Variants in DLGAP1 observed in about 807,000 individuals in gnomAD.
DLGAP1 encodes the protein DLG associated protein 1.
DLGAP1 carries 11 observed loss-of-function variants against 90.8 expected under a neutral mutation model. The ratio of observed to expected loss-of-function variants is 0.12; its 90% CI spans 0.08 to 0.20. The LOEUF is 0.20. Among genes scored for constraint, DLGAP1 ranks in the 10% least tolerant of loss-of-function variants. The pLI is 1.00. For synonymous variants in DLGAP1, 558 were observed against 540.7 expected, an observed-to-expected ratio of 1.03 and a Z score of -0.44; for missense variants, 1,050 against 1,333.8, an observed-to-expected ratio of 0.79 and a Z score of 3.31.
Position 3,789,473 on chromosome 18 carries a change from A to G in DLGAP1, c.1172+24586T>C, listed in dbSNP as rs1253178335. Among the ~76,000 whole-genome samples, 4 of 152,210 alleles carry G rather than the reference A, an allele frequency of 2.6e-5. No homozygotes were observed. In the East Asian group the frequency reaches 7.7e-4, roughly 29 times the overall value. On this transcript the variant is annotated intron_variant, in intron 5 of 12. Transcript: ENST00000315677. ...GTTAAAGTCAAGCAGATAATAGATG[A>G]ATCTGCAAGGGTGGATGAGATTGTC...
intron 4 of DLGAP1, chr18:3,874,902 A>G: frequency 1.5e-6 from 1 of 647,224 alleles, no homozygotes; most frequent in Non-Finnish European, 2.2e-6. Context: ...TGGGACTTGC[A>G]ACGATTTCAA....
chr18:3,535,450 G>A (rs866983138), intron 9 of DLGAP1, among the ~76,000 whole-genome samples: 16 of 152,134 alleles, frequency 1.1e-4, no homozygotes, highest in Admixed American at 5.2e-4. Context: ...GCTCACGCCC[G>A]TAATCCCAGC....
At chr18:4,226,791 G>T (rs899417195) in intron 1 of DLGAP1, among the ~76,000 whole-genome samples, 3 of 150,008 alleles carry the variant, frequency 2.0e-5, no homozygotes, top group Non-Finnish European at 4.4e-5. Flanking sequence ...AGGAAGAAAA[G>T]AAGGAAAAGA....
At chr18:3,636,557 G>A (rs115405247) in intron 7 of DLGAP1, among the ~76,000 whole-genome samples, 1,903 of 150,174 alleles carry the variant, frequency 0.013, 82 homozygotes, top group African/African-American at 0.044. Context: ...GACTACAGAC[G>A]CACGCCACAA....
chr18:4,310,846 A>T (rs73378945), intron 1 of DLGAP1, among the ~76,000 whole-genome samples: 5,078 of 152,200 alleles, frequency 0.033, 275 homozygotes, highest in African/African-American at 0.11. Context: ...TCATTCTCAT[A>T]TATAAGACAC....
intron 4 of DLGAP1, among the ~76,000 whole-genome samples, chr18:3,854,728 G>A (rs1383261175): frequency 6.6e-6 from 1 of 152,182 alleles, no homozygotes; most frequent in Non-Finnish European, 1.5e-5. Flanking sequence ...GTGCAGTACA[G>A]TGTGGGGAAA....
At chr18:3,632,365 G>C (rs1424772455) in intron 7 of DLGAP1, among the ~76,000 whole-genome samples, 1 of 150,806 alleles carries the variant, frequency 6.6e-6, no homozygotes, top group Admixed American at 6.6e-5. Context: ...GCAGTGGACC[G>C]ATCTCTGCTC....
At chr18:3,822,268 C>T (rs2067464191) in intron 4 of DLGAP1, among the ~76,000 whole-genome samples, 1 of 152,160 alleles carries the variant, frequency 6.6e-6, no homozygotes, top group Admixed American at 6.5e-5. Flanking sequence ...CACAGCTCTT[C>T]CAAATAACAT....
At chr18:4,119,217 C>T (rs2076114173) in intron 2 of DLGAP1, among the ~76,000 whole-genome samples, 1 of 152,056 alleles carries the variant, frequency 6.6e-6, no homozygotes, top group African/African-American at 2.4e-5. Context: ...TCAGCCTCCC[C>T]TGCAGCTGGG....
intron 3 of DLGAP1, chr18:3,896,061 C>T (rs2071615152): frequency 6.6e-6 from 1 of 152,204 alleles, no homozygotes; most frequent in Non-Finnish European, 1.5e-5. Flanking sequence ...ACAAGCTTTG[C>T]TTTATTAATG....
At chr18:4,196,575 G>A (rs938724837) in intron 1 of DLGAP1, among the ~76,000 whole-genome samples, 1 of 152,202 alleles carries the variant, frequency 6.6e-6, no homozygotes, top group Non-Finnish European at 1.5e-5. Context: ...TTATTACTCT[G>A]TACACAGCAG....
At position 3,978,509 on chromosome 18, in the gene DLGAP1, G is replaced by A. The variant is rs954090663; in HGVS notation, c.-73+26607C>T. 16 of 247,664 alleles carry A rather than the reference G, an allele frequency of 6.5e-5. No homozygotes were observed. The South Asian group carries it at 9.1e-4, about 14-fold the overall frequency. The allele number at this position is 247,664 out of a possible 1,614,324, so 15.3% of individuals were successfully genotyped here. A position where few individuals can be genotyped will look rare whatever the true frequency, so the allele number is the denominator to read the frequency against. ...GACCATGTCGTTGAGGTCAATGAAC[G>A]GGTAACCGATGGTGACAATATCCAC... On this transcript the variant is annotated intron_variant, in intron 3 of 12. Transcript: ENST00000315677.
chr18:4,375,914 T>C (rs2082004409), intron 1 of DLGAP1, among the ~76,000 whole-genome samples: 1 of 152,182 alleles, frequency 6.6e-6, no homozygotes, highest in Admixed American at 6.6e-5. Context: ...ACAACTGTTT[T>C]TCTCTTCATC....
At chr18:3,954,024 T>C (rs2073038458) in intron 3 of DLGAP1, among the ~76,000 whole-genome samples, 1 of 152,218 alleles carries the variant, frequency 6.6e-6, no homozygotes, top group South Asian at 2.1e-4. Flanking sequence ...AACATTACTG[T>C]TATAAGGAAT....
At chr18:4,432,332 A>G (rs1187390307) in intron 1 of DLGAP1, among the ~76,000 whole-genome samples, 1 of 152,190 alleles carries the variant, frequency 6.6e-6, no homozygotes, top group East Asian at 1.9e-4. Flanking sequence ...ACTATTAAAC[A>G]TAGGTTTTAT....
In DLGAP1 at chr18:3,676,410, T is replaced by G. The variant is rs1194222192; in HGVS notation, c.1591+52725A>C. ...CTTCTCTCACTAGAGAGAGCTGTTT[T>G]CCTTTCTTTTTCTTCCTCCTTCTTT... On this transcript the variant is annotated intron_variant, in intron 7 of 12. Transcript: ENST00000315677. Among the ~76,000 whole-genome samples the G allele has an allele frequency of 3.9e-5, 6 of 152,182 alleles. No homozygotes were observed. The East Asian group carries it at 1.2e-3, about 29-fold the overall frequency.
At chr18:4,331,760 A>C (rs181374711) in intron 1 of DLGAP1, among the ~76,000 whole-genome samples, 1 of 151,848 alleles carries the variant, frequency 6.6e-6, no homozygotes, top group Non-Finnish European at 1.5e-5. Context: ...TTTCTTATCT[A>C]GAGCCTCTGC....
chr18:3,968,326 A>G (rs1401706447), intron 3 of DLGAP1, among the ~76,000 whole-genome samples: 1 of 152,164 alleles, frequency 6.6e-6, no homozygotes, highest in Non-Finnish European at 1.5e-5. Flanking sequence ...TTACGCAGCT[A>G]TTGATCTCCA....
intron 1 of DLGAP1, among the ~76,000 whole-genome samples, chr18:4,272,861 C>T (rs1351846787): frequency 6.6e-6 from 1 of 152,132 alleles, no homozygotes; most frequent in Non-Finnish European, 1.5e-5. Flanking sequence ...GCCCCTACAT[C>T]CAACGACAGG....
Sources: allele counts gnomAD v4.1 joint callset (sites outside exome capture counted in the v4.1 genomes callset), GRCh38; gene constraint gnomAD v4.1.1; transcripts MANE v1.5; gene names NCBI Gene and HGNC (gene_info 2026-07-23, HGNC 2026-07-21).